Variants in MALRD1 observed in about 807,000 individuals in gnomAD.
The protein encoded by MALRD1 is MAM and LDL receptor class A domain containing 1.
A neutral mutation model predicts 242.1 loss-of-function variants in MALRD1; 247 were observed. That is an observed-to-expected ratio of 1.02 (90% confidence interval 0.92 to 1.13). The LOEUF (loss-of-function observed/expected upper bound fraction) is 1.13. Ranked by LOEUF, MALRD1 falls within the 50% of genes most tolerant of loss-of-function variation. MALRD1 has a pLI of 0.00. For missense variants in MALRD1, 2,989 were observed against 2,533.1 expected (o/e 1.18, Z -3.86); for synonymous variants, 995 against 866.6 (o/e 1.15, Z -2.60).
chr10:19,734,417 A>G lies in MALRD1; in HGVS notation c.*180A>G, dbSNP rs1287468012. The stretch of plus-strand genomic sequence containing the variant: ...ATATAGAGAATGTTTATATGGAATC[A>G]GAATCAGTACCTTATCTTCACTGAA... On this transcript the variant is annotated 3_prime_UTR_variant, in exon 40 of 40. Transcript: ENST00000454679. 3 of 475,846 alleles carry G rather than the reference A, an allele frequency of 6.3e-6. No homozygotes were observed. The highest frequency in any genetic ancestry group is 1.1e-5 in the Non-Finnish European group (3 of 272,968). The allele number at this position is 475,846 out of a possible 1,614,324, so 29.5% of individuals were successfully genotyped here. A position where few individuals can be genotyped will look rare whatever the true frequency, so the allele number is the denominator to read the frequency against.
chr10:19,178,600 C>T lies in MALRD1; in HGVS notation c.1951+3272C>T, dbSNP rs16918319. Among the ~76,000 whole-genome samples the T allele has an allele frequency of 8.5e-3, 1,293 of 152,298 alleles. 14 individuals carry two copies. Among genetic ancestry groups the T allele is most frequent in the African/African-American group, 0.029 (1,226 of 41,564 alleles). ...CGCGTGATGAAAATCGCAAGTGCTA[C>T]TTTGATTTGGCCTTTAATCAAGCTT... On this transcript the variant is annotated intron_variant, in intron 14 of 39. Coordinates refer to ENST00000454679, the MANE Select transcript of MALRD1 (RefSeq NM_001142308.3).
chr10:19,418,364 C>T (rs1225489295), intron 28 of MALRD1, among the ~76,000 whole-genome samples: 1 of 151,728 alleles, frequency 6.6e-6, no homozygotes, highest in African/African-American at 2.4e-5. Flanking sequence ...TTATGTTTTT[C>T]AAGCTAATCT....
intron 25 of MALRD1, among the ~76,000 whole-genome samples, chr10:19,348,821 C>A (rs191545916): frequency 6.0e-4 from 92 of 152,262 alleles, no homozygotes; most frequent in African/African-American, 1.9e-3. Flanking sequence ...AGATCTCTTG[C>A]TTACAAGAGA....
At chr10:19,552,525 G>A (rs962466825) in intron 32 of MALRD1, among the ~76,000 whole-genome samples, 11 of 151,486 alleles carry the variant, frequency 7.3e-5, no homozygotes, top group South Asian at 2.1e-4. Flanking sequence ...GAGTGCCAGC[G>A]CCTGGATTTG....
At chr10:19,684,214 G>A (rs1842485229) in intron 36 of MALRD1, among the ~76,000 whole-genome samples, 1 of 152,102 alleles carries the variant, frequency 6.6e-6, no homozygotes, top group South Asian at 2.1e-4. Context: ...GCACCCTTTG[G>A]TGATTTACAG....
intron 19 of MALRD1, among the ~76,000 whole-genome samples, chr10:19,266,917 A>T: frequency 6.6e-6 from 1 of 151,998 alleles, no homozygotes; most frequent in Non-Finnish European, 1.5e-5. Flanking sequence ...AGATCTTCAG[A>T]TTAGATTAGG....
intron 28 of MALRD1, among the ~76,000 whole-genome samples, chr10:19,432,131 G>C (rs1459246759): frequency 2.6e-5 from 4 of 152,112 alleles, no homozygotes; most frequent in Non-Finnish European, 5.9e-5. Flanking sequence ...TATACAGAGA[G>C]TATAGTAAGG....
chr10:19,562,336 GA>G (rs1564442754), intron 32 of MALRD1, among the ~76,000 whole-genome samples: 4 of 144,608 alleles, frequency 2.8e-5, no homozygotes, highest in Non-Finnish European at 4.5e-5. Flanking sequence ...TAGATAGATA[GA>G]TAGATAGTTA....
intron 35 of MALRD1, among the ~76,000 whole-genome samples, chr10:19,611,171 T>A (rs1370313503): frequency 6.6e-6 from 1 of 151,960 alleles, no homozygotes; most frequent in African/African-American, 2.4e-5. Context: ...GAAAGTGCTA[T>A]CATACATATT....
chr10:19,490,395 C>A (rs1286722758), intron 29 of MALRD1, among the ~76,000 whole-genome samples: 1 of 150,576 alleles, frequency 6.6e-6, no homozygotes, highest in Non-Finnish European at 1.5e-5. Context: ...TCGATTAAAT[C>A]TGGAACAATG....
intron 10 of MALRD1, among the ~76,000 whole-genome samples, chr10:19,144,744 T>C (rs1833672757): frequency 1.3e-5 from 2 of 152,190 alleles, no homozygotes; most frequent in South Asian, 4.1e-4. Flanking sequence ...AGATGTTCCA[T>C]TTACTAAAAT....
At chr10:19,203,640 A>G in intron 14 of MALRD1, 88 bp from the exon 15 acceptor site, 1 of 1,319,844 alleles carries the variant, frequency 7.6e-7, no homozygotes, top group South Asian at 1.7e-5. Context: ...CAGAAGCATA[A>G]TAAGGTGAAT....
chr10:19,304,757 C>T (rs1278677848), intron 21 of MALRD1, among the ~76,000 whole-genome samples: 1 of 151,620 alleles, frequency 6.6e-6, no homozygotes, highest in African/African-American at 2.4e-5. Context: ...CCTTTGTGAC[C>T]AAGGTCATAA....
chr10:19,470,440 C>T (rs1390828295), intron 29 of MALRD1, among the ~76,000 whole-genome samples: 1 of 151,910 alleles, frequency 6.6e-6, no homozygotes, highest in African/African-American at 2.4e-5. Flanking sequence ...ATTTCAATTC[C>T]TTTGGGATAT....
upstream of MALRD1, among the ~76,000 whole-genome samples, chr10:19,047,120 T>C (rs1156448807): frequency 6.6e-6 from 1 of 152,092 alleles, no homozygotes; most frequent in African/African-American, 2.4e-5. Context: ...ACCAGAAACA[T>C]GCTGAGATGA....
intron 21 of MALRD1, among the ~76,000 whole-genome samples, chr10:19,310,773 T>A (rs759858427): frequency 2.6e-5 from 4 of 151,478 alleles, no homozygotes; most frequent in Admixed American, 6.6e-5. Context: ...CGTAATCATC[T>A]TTCCAAACTG....
chr10:19,712,011 A>G (rs781217336), intron 38 of MALRD1, among the ~76,000 whole-genome samples: 48 of 152,232 alleles, frequency 3.2e-4, no homozygotes, highest in Non-Finnish European at 5.4e-4. Context: ...CTCATTTTCC[A>G]GATCCAGTGG....
chr10:19,681,221 G>T (rs1051933739), intron 36 of MALRD1, among the ~76,000 whole-genome samples: 23 of 152,174 alleles, frequency 1.5e-4, no homozygotes, highest in Non-Finnish European at 3.1e-4. Context: ...GGTTCGGGAA[G>T]TTCTCCTGGA....
intron 10 of MALRD1, among the ~76,000 whole-genome samples, chr10:19,142,197 A>AAAAAAAG (rs1833573050): frequency 2.0e-5 from 3 of 148,578 alleles, no homozygotes; most frequent in Non-Finnish European, 3.0e-5. Context: ...AAAAAAAAAA[A>AAAAAAAG]GTGGAATGCT....
Sources: allele counts gnomAD v4.1 joint callset (sites outside exome capture counted in the v4.1 genomes callset), GRCh38; gene constraint gnomAD v4.1.1; transcripts MANE v1.5; gene names NCBI Gene and HGNC (gene_info 2026-07-23, HGNC 2026-07-21).